CDH18: variants seen among roughly 807,000 people sequenced by gnomAD.
CDH18 encodes the protein cadherin 18.
A neutral mutation model predicts 67.9 loss-of-function variants in CDH18; 31 were observed. The ratio of observed to expected loss-of-function variants is 0.46; its 90% CI spans 0.34 to 0.62. The LOEUF (loss-of-function observed/expected upper bound fraction) is 0.62. Ranked by LOEUF, CDH18 falls within the 20% of genes least tolerant of loss-of-function variation. The pLI is 0.01. For synonymous variants in CDH18, 362 were observed against 347.2 expected (o/e 1.04, Z -0.48); for missense variants, 890 against 975.5 (o/e 0.91, Z 1.17).
At chr5:20,337,539 A>G (rs1298919261) in intron 1 of CDH18, among the ~76,000 whole-genome samples, 1 of 152,110 alleles carries the variant, frequency 6.6e-6, no homozygotes, top group African/African-American at 2.4e-5. Context: ...AAAACATAAC[A>G]AGCATCACCT....
chr5:20,338,630 C>G (rs903759334), intron 1 of CDH18, among the ~76,000 whole-genome samples: 1 of 152,208 alleles, frequency 6.6e-6, no homozygotes, highest in African/African-American at 2.4e-5. Context: ...CCTTTTGAGA[C>G]ATCTGGTATA....
At chr5:20,405,253 A>G (rs977136939) in intron 1 of CDH18, among the ~76,000 whole-genome samples, 2 of 152,170 alleles carry the variant, frequency 1.3e-5, no homozygotes, top group African/African-American at 4.8e-5. Context: ...AGACCAATGG[A>G]ACAGAACAGA....
chr5:20,489,678 T>A (rs1753466025), intron 1 of CDH18, among the ~76,000 whole-genome samples: 1 of 152,026 alleles, frequency 6.6e-6, no homozygotes, highest in African/African-American at 2.4e-5. Context: ...TACTTCCAAT[T>A]ATGCCTTAGG....
chr5:20,040,215 C>A (rs1740295469), intron 2 of CDH18, among the ~76,000 whole-genome samples: 1 of 151,412 alleles, frequency 6.6e-6, no homozygotes, highest in South Asian at 2.1e-4. Flanking sequence ...TGCTGGAGAC[C>A]ATGGCACATG....
intron 5 of CDH18, among the ~76,000 whole-genome samples, chr5:19,659,216 C>T (rs1022499612): frequency 2.0e-5 from 3 of 151,628 alleles, no homozygotes; most frequent in South Asian, 4.2e-4. Flanking sequence ...TAAATAATAA[C>T]TGCCACCACC....
chr5:19,975,285 T>G (rs146184782), intron 2 of CDH18, among the ~76,000 whole-genome samples: 1,643 of 152,224 alleles, frequency 0.011, 16 homozygotes, highest in Middle Eastern at 0.027. Context: ...TTTTGTACAA[T>G]GAAACTCATT....
chr5:19,785,951 A>G (rs1220371571), intron 3 of CDH18, among the ~76,000 whole-genome samples: 1 of 151,744 alleles, frequency 6.6e-6, no homozygotes, highest in African/African-American at 2.4e-5. Context: ...CTGATTAAAA[A>G]GAGACAAGGG....
At chr5:20,488,514 A>G (rs972195107) in intron 1 of CDH18, among the ~76,000 whole-genome samples, 1 of 152,136 alleles carries the variant, frequency 6.6e-6, no homozygotes, top group South Asian at 2.1e-4. Flanking sequence ...TGTTGTTTCC[A>G]TCCATTAAAA....
intron 2 of CDH18, among the ~76,000 whole-genome samples, chr5:20,026,145 G>T (rs116106633): frequency 0.02 from 2,986 of 152,222 alleles, 45 homozygotes; most frequent in Middle Eastern, 0.044. Flanking sequence ...ACCTGGGATT[G>T]TTCTTAGAGA....
At chr5:20,198,573 C>A (rs2126742968) in intron 2 of CDH18, among the ~76,000 whole-genome samples, 1 of 152,080 alleles carries the variant, frequency 6.6e-6, no homozygotes, top group East Asian at 1.9e-4. Flanking sequence ...AATTTGCAGC[C>A]TGATGATGCG....
At chr5:19,796,898 A>G (rs964399781) in intron 3 of CDH18, among the ~76,000 whole-genome samples, 1 of 152,008 alleles carries the variant, frequency 6.6e-6, no homozygotes, top group Non-Finnish European at 1.5e-5. Context: ...TATACAAAGA[A>G]GTATACTCAA....
chr5:20,400,261 T>C (rs574720498), intron 1 of CDH18, among the ~76,000 whole-genome samples: 73 of 152,162 alleles, frequency 4.8e-4, no homozygotes, highest in African/African-American at 1.7e-3. Flanking sequence ...GGGTGGATCA[T>C]GAGGTCAGGA....
intron 12 of CDH18, 42 bp downstream of exon 12, chr5:19,483,259 C>A: frequency 6.4e-7 from 1 of 1,562,976 alleles, no homozygotes. Context: ...CCCTCTCATT[C>A]AGAATTGCCA....
intron 1 of CDH18, among the ~76,000 whole-genome samples, chr5:20,384,039 G>A (rs1157135336): frequency 6.6e-6 from 1 of 152,000 alleles, no homozygotes; most frequent in South Asian, 2.1e-4. Context: ...TTAGCAAGCA[G>A]TAAAGTTTTT....
chr5:19,759,381 G>T (rs1386465562), intron 3 of CDH18, among the ~76,000 whole-genome samples: 1 of 152,154 alleles, frequency 6.6e-6, no homozygotes, highest in African/African-American at 2.4e-5. Context: ...ATAGGTAGAG[G>T]CAGCTCTAAA....
intron 2 of CDH18, among the ~76,000 whole-genome samples, chr5:20,094,185 CAG>C (rs1186760409): frequency 6.6e-6 from 1 of 152,136 alleles, no homozygotes; most frequent in Non-Finnish European, 1.5e-5. Context: ...AAATCAGTTT[CAG>C]ATTGAATTAA....
chr5:20,546,375 A>T (rs934988551), intron 1 of CDH18, among the ~76,000 whole-genome samples: 1 of 150,582 alleles, frequency 6.6e-6, no homozygotes, highest in Admixed American at 6.7e-5. Flanking sequence ...CCAATTCTCT[A>T]TATTAGTCTG....
intron 3 of CDH18, among the ~76,000 whole-genome samples, chr5:19,766,196 T>TA: frequency 6.6e-6 from 1 of 152,164 alleles, no homozygotes; most frequent in Non-Finnish European, 1.5e-5. Context: ...TTTTCAATCG[T>TA]AAAGTCCAAA....
chr5:20,501,470 A>T (rs1561068592), intron 1 of CDH18, among the ~76,000 whole-genome samples: 3 of 93,466 alleles, frequency 3.2e-5, no homozygotes, highest in Non-Finnish European at 4.4e-5. Context: ...TATTATATAT[A>T]TTATATACAT....
Sources: allele counts gnomAD v4.1 joint callset (sites outside exome capture counted in the v4.1 genomes callset), GRCh38; gene constraint gnomAD v4.1.1; transcripts MANE v1.5; gene names NCBI Gene and HGNC (gene_info 2026-07-23, HGNC 2026-07-21).